TBC1D5: variants seen among roughly 807,000 people sequenced by gnomAD.
The protein encoded by TBC1D5 is TBC1 domain family, member 5.
TBC1D5 carries 75 observed loss-of-function variants against 100.3 expected under a neutral mutation model. The ratio of observed to expected loss-of-function variants is 0.75; its 90% CI spans 0.62 to 0.91. TBC1D5 has a LOEUF of 0.91. Ranked by LOEUF, TBC1D5 falls within the 40% of genes least tolerant of loss-of-function variation. The pLI, the probability that TBC1D5 is intolerant of heterozygous loss-of-function variation, is 0.00. For synonymous variants in TBC1D5, 323 were observed against 325.6 expected, an observed-to-expected ratio of 0.99 and a Z score of 0.09; for missense variants, 910 against 942.4, an observed-to-expected ratio of 0.97 and a Z score of 0.45.
At chr3:17,561,963 C>A (rs2096562042) in intron 2 of TBC1D5, 1 of 151,930 alleles carries the variant, frequency 6.6e-6, no homozygotes, top group Admixed American at 6.6e-5. Context: ...CTGAATATGG[C>A]AAACCTTTGA....
intron 4 of TBC1D5, among the ~76,000 whole-genome samples, chr3:17,423,757 T>C (rs2094274041): frequency 1.3e-5 from 2 of 152,118 alleles, no homozygotes; most frequent in Admixed American, 1.3e-4. Context: ...ATCTCAAAAA[T>C]TAGGGTTAAA....
At chr3:17,384,093 T>A in intron 8 of TBC1D5, 78 bp from the exon 9 acceptor site, 1 of 1,230,140 alleles carries the variant, frequency 8.1e-7, no homozygotes, top group Non-Finnish European at 1.1e-6. Context: ...CTCGAAGACG[T>A]GCCAAGGGCT....
At chr3:17,329,039 G>A (rs2086553857) in intron 13 of TBC1D5, among the ~76,000 whole-genome samples, 1 of 152,176 alleles carries the variant, frequency 6.6e-6, no homozygotes, top group Non-Finnish European at 1.5e-5. Flanking sequence ...GACTCTACAA[G>A]TTTGCCTCAT....
intron 6 of TBC1D5, 23 bp from the exon 7 acceptor site, chr3:17,404,791 AC>A (rs2093727327): frequency 3.1e-6 from 5 of 1,598,826 alleles, no homozygotes; most frequent in Non-Finnish European, 4.3e-6. Context: ...GAGAAAACAC[AC>A]ACACAAGGAT....
At chr3:17,691,576 T>C (rs1289245846) in intron 1 of TBC1D5, among the ~76,000 whole-genome samples, 2 of 152,146 alleles carry the variant, frequency 1.3e-5, no homozygotes, top group South Asian at 2.1e-4. Context: ...CCCAGCACTT[T>C]GGGAGGCCAA....
chr3:17,543,821 A>G (rs976828910), intron 2 of TBC1D5, among the ~76,000 whole-genome samples: 10 of 152,056 alleles, frequency 6.6e-5, no homozygotes, highest in Admixed American at 1.3e-4. Flanking sequence ...CTACCCTCAG[A>G]ATTTCTGATT....
intron 1 of TBC1D5, among the ~76,000 whole-genome samples, chr3:17,734,325 A>T (rs771122134): frequency 6.6e-6 from 1 of 152,224 alleles, no homozygotes; most frequent in Non-Finnish European, 1.5e-5. Flanking sequence ...AAATACAGTG[A>T]GACAGAATAG....
In TBC1D5 at chr3:17,666,872, T is replaced by C. The variant is rs563670026; in HGVS notation, c.-100-42959A>G. 3.3e-5 allele frequency among the ~76,000 whole-genome samples: 5 copies of C among 152,300 alleles called. No homozygotes were observed. The East Asian group carries it at 5.8e-4, about 18-fold the overall frequency. ...AAAATTATTTTTAATAATTCCAAAA[T>C]AGTAACATTATAACAATTACTAGTA... On this transcript the variant is annotated intron_variant, in intron 1 of 21. Transcript: ENST00000253692.
intron 18 of TBC1D5, among the ~76,000 whole-genome samples, chr3:17,209,413 AGTGTTGGGATTACAG>A (rs1381312641): frequency 5.3e-5 from 8 of 152,180 alleles, no homozygotes; most frequent in Non-Finnish European, 7.4e-5. Flanking sequence ...AGCCTCCCTA[AGTGTTGGGATTACAG>A]GCGTGAGCCA....
chr3:17,435,496 C>T (rs966722314), intron 3 of TBC1D5, among the ~76,000 whole-genome samples: 2 of 152,102 alleles, frequency 1.3e-5, no homozygotes, highest in African/African-American at 2.4e-5. Context: ...GGAGAAATGC[C>T]AATTAAAAGG....
chr3:17,558,570 T>G (rs1281970127), intron 2 of TBC1D5, among the ~76,000 whole-genome samples: 6 of 152,192 alleles, frequency 3.9e-5, no homozygotes, highest in Non-Finnish European at 7.3e-5. Context: ...TTTCAAAAGG[T>G]TCTCCCACAA....
intron 1 of TBC1D5, among the ~76,000 whole-genome samples, chr3:17,657,617 G>A (rs1199635397): frequency 6.6e-6 from 1 of 152,150 alleles, no homozygotes; most frequent in African/African-American, 2.4e-5. Flanking sequence ...TTACAGGCGT[G>A]AGCCACCATG....
intron 4 of TBC1D5, among the ~76,000 whole-genome samples, chr3:17,423,990 C>G (rs1233555142): frequency 2.0e-5 from 3 of 151,646 alleles, no homozygotes; most frequent in Non-Finnish European, 4.4e-5. Flanking sequence ...AATAAATGAG[C>G]CAACAAATAA....
At chr3:17,647,915 A>C (rs2065159254) in intron 1 of TBC1D5, among the ~76,000 whole-genome samples, 1 of 152,154 alleles carries the variant, frequency 6.6e-6, no homozygotes, top group Non-Finnish European at 1.5e-5. Flanking sequence ...AATGGAGTAG[A>C]ATATACAGAT....
chr3:17,310,691 GA>G (rs1051288035), intron 13 of TBC1D5, among the ~76,000 whole-genome samples: 1 of 151,808 alleles, frequency 6.6e-6, no homozygotes, highest in Non-Finnish European at 1.5e-5. Context: ...CCAGGAGGTA[GA>G]AAAAAATACC....
At chr3:17,381,625 T>C (rs1180038846) in intron 9 of TBC1D5, among the ~76,000 whole-genome samples, 1 of 152,092 alleles carries the variant, frequency 6.6e-6, no homozygotes, top group African/African-American at 2.4e-5. Context: ...AAACGGGGTC[T>C]TCTGCTATTT....
intron 2 of TBC1D5, among the ~76,000 whole-genome samples, chr3:17,557,504 T>C (rs2096529868): frequency 6.6e-6 from 1 of 152,178 alleles, no homozygotes; most frequent in Non-Finnish European, 1.5e-5. Flanking sequence ...GCAACTTCCA[T>C]TTATGGTCTA....
chr3:17,161,059 G>T (rs773329568), exon 22 of TBC1D5: 1 of 1,614,234 alleles, frequency 6.2e-7, no homozygotes, highest in Non-Finnish European at 8.5e-7. Context: ...CTGAGGCTGG[G>T]CCCATCAGTG....
At chr3:17,430,507 G>T (rs906357437) in intron 3 of TBC1D5, among the ~76,000 whole-genome samples, 1 of 150,096 alleles carries the variant, frequency 6.7e-6, no homozygotes, top group African/African-American at 2.4e-5. Flanking sequence ...GCAAAAAAAT[G>T]GTAATAGGGA....
Sources: gnomAD v4.1 joint callset for allele counts (sites outside exome capture counted in the v4.1 genomes callset) on GRCh38, gnomAD v4.1.1 for gene constraint, MANE v1.5 for transcripts, NCBI Gene and HGNC (gene_info 2026-07-23, HGNC 2026-07-21) for gene names.